Variants in SUFU observed in about 807,000 individuals in gnomAD.
SUFU encodes the protein suppressor of fused homolog.
SUFU carries 7 observed loss-of-function variants against 58.9 expected under a neutral mutation model. That is an observed-to-expected ratio of 0.12 (90% CI 0.07 to 0.22). SUFU has a LOEUF of 0.22. Among genes scored for constraint, SUFU ranks in the 10% least tolerant of loss-of-function variants. The pLI, the probability that SUFU is intolerant of heterozygous loss-of-function variation, is 1.00. For synonymous variants in SUFU, 232 were observed against 254.8 expected (o/e 0.91, Z 0.85); for missense variants, 451 against 641.3 (o/e 0.70, Z 3.20).
chr10:102,589,442 C>CTTTTTT (rs747625757), intron 3 of SUFU, among the ~76,000 whole-genome samples: 6,055 of 65,094 alleles, frequency 0.093, 1,559 homozygotes, highest in East Asian at 0.3. Context: ...TTCTTTCTTT[C>CTTTTTT]TTTTTTTTTT....
intron 1 of SUFU, among the ~76,000 whole-genome samples, chr10:102,504,995 C>T (rs2062307012): frequency 6.6e-6 from 1 of 152,172 alleles, no homozygotes; most frequent in African/African-American, 2.4e-5. Context: ...CTGCACTGTT[C>T]TCTTTCTCCG....
chr10:102,566,114 T>TA (rs1305280294), intron 3 of SUFU, among the ~76,000 whole-genome samples: 3 of 152,162 alleles, frequency 2.0e-5, no homozygotes, highest in Non-Finnish European at 4.4e-5. Flanking sequence ...CTGCTCATGA[T>TA]AGAGTGTTCA....
Position 102,599,124 on chromosome 10 carries a change from G to A in SUFU, c.911-309G>A, listed in dbSNP as rs1016474629. Among the ~76,000 whole-genome samples, 62 of 152,184 alleles carry A rather than the reference G, an allele frequency of 4.1e-4. 1 individual carries two copies. Among genetic ancestry groups the A allele is most frequent in the Admixed American group, 4.1e-3 (62 of 15,286 alleles). ...GTAGTCAGTCACTGTGTGGAGCCAT[G>A]TTAAGGGTAAACCTCGGGCCTGTGA... On this transcript the variant is annotated intron_variant, in intron 7 of 11. Coordinates refer to ENST00000369902, the MANE Select transcript of SUFU (RefSeq NM_016169.4).
At chr10:102,534,757 G>T (rs935731915) in intron 2 of SUFU, among the ~76,000 whole-genome samples, 2 of 152,196 alleles carry the variant, frequency 1.3e-5, no homozygotes, top group African/African-American at 2.4e-5. Flanking sequence ...GACTTGCTTG[G>T]CATTGCCCTG....
chr10:102,559,206 C>T (rs1020166072), intron 3 of SUFU, among the ~76,000 whole-genome samples: 1 of 152,222 alleles, frequency 6.6e-6, no homozygotes, highest in African/African-American at 2.4e-5. Flanking sequence ...CAGAACCGCC[C>T]TCATTGGTGT....
intron 2 of SUFU, among the ~76,000 whole-genome samples, chr10:102,514,718 A>T (rs1454387922): frequency 2.6e-5 from 4 of 152,136 alleles, no homozygotes; most frequent in South Asian, 2.1e-4. Context: ...CTAGCTGTGG[A>T]CTGGAATGTG....
intron 11 of SUFU, 145 bp downstream of exon 11, chr10:102,627,388 G>T: frequency 1.2e-6 from 1 of 826,908 alleles, no homozygotes; most frequent in Non-Finnish European, 2.1e-6. Flanking sequence ...GCATCTGTGG[G>T]CTCCTCCCCA....
chr10:102,512,784 G>C (rs917278644), intron 2 of SUFU, among the ~76,000 whole-genome samples: 1 of 152,156 alleles, frequency 6.6e-6, no homozygotes, highest in African/African-American at 2.4e-5. Context: ...ACTTCTATAG[G>C]CTGCGCATGG....
chr10:102,512,961 G>GT (rs141949226), intron 2 of SUFU, among the ~76,000 whole-genome samples: 1 of 151,994 alleles, frequency 6.6e-6, no homozygotes, highest in African/African-American at 2.4e-5. Flanking sequence ...CTAGCTGCTT[G>GT]GGGGGCTGAG....
chr10:102,601,636 A>G (rs1434466730), intron 8 of SUFU, among the ~76,000 whole-genome samples: 1 of 152,180 alleles, frequency 6.6e-6, no homozygotes, highest in Non-Finnish European at 1.5e-5. Flanking sequence ...TTTGCCAAGA[A>G]CATTCTCCAA....
At chr10:102,538,982 T>C (rs781475799) in intron 2 of SUFU, among the ~76,000 whole-genome samples, 2 of 152,206 alleles carry the variant, frequency 1.3e-5, no homozygotes, top group Non-Finnish European at 2.9e-5. Context: ...TATTCAGTGC[T>C]TTTTAAGTGT....
At chr10:102,539,861 C>G (rs181007780) in intron 2 of SUFU, among the ~76,000 whole-genome samples, 1 of 152,268 alleles carries the variant, frequency 6.6e-6, no homozygotes, top group African/African-American at 2.4e-5. Flanking sequence ...TTAGCTCATG[C>G]GATTACAGAT....
In SUFU at chr10:102,550,114, G is replaced by A. The variant is rs1172897703; in HGVS notation, c.454+8G>A. The A allele has an allele frequency of 6.2e-7, 1 of 1,614,116 alleles. No individual in the cohort carries two copies. Among genetic ancestry groups the A allele is most frequent in the East Asian group, 2.2e-5 (1 of 44,880 alleles). ...GATACGTGTTCCAGTCAGGTAGGAG[G>A]CCAGGGCTGGCTGCTGTGCTGGTCC... On this transcript the variant is annotated splice_region_variant and intron_variant, in intron 3 of 11. Coordinates refer to ENST00000369902, the MANE Select transcript of SUFU (RefSeq NM_016169.4).
intron 3 of SUFU, among the ~76,000 whole-genome samples, chr10:102,590,441 AG>A (rs2135859957): frequency 6.6e-6 from 1 of 152,172 alleles, no homozygotes; most frequent in Admixed American, 6.5e-5. Flanking sequence ...CTGGGATTAC[AG>A]GCATGAGCCA....
At chr10:102,576,105 C>A (rs1228354210) in intron 3 of SUFU, among the ~76,000 whole-genome samples, 3 of 151,908 alleles carry the variant, frequency 2.0e-5, no homozygotes, top group Admixed American at 2.0e-4. Flanking sequence ...CTCAGCCTCC[C>A]AAAGTGCTGG....
chr10:102,542,550 C>G (rs2062814094), intron 2 of SUFU, among the ~76,000 whole-genome samples: 1 of 151,904 alleles, frequency 6.6e-6, no homozygotes, highest in East Asian at 1.9e-4. Flanking sequence ...TCTGGGATTA[C>G]AGATGTCAGC....
chr10:102,568,709 G>T (rs940831969), intron 3 of SUFU, among the ~76,000 whole-genome samples: 1 of 150,680 alleles, frequency 6.6e-6, no homozygotes, highest in Admixed American at 6.6e-5. Flanking sequence ...CCCTGTCTCT[G>T]CTAAAAATAC....
At chr10:102,521,924 T>A (rs1377917836) in intron 2 of SUFU, among the ~76,000 whole-genome samples, 1 of 152,256 alleles carries the variant, frequency 6.6e-6, no homozygotes, top group Non-Finnish European at 1.5e-5. Context: ...CTGATAATCC[T>A]ATCACCTTTT....
At chr10:102,589,442 C>CTTTTTTTTTTTTTTTTTTTTTTTTTTT (rs747625757) in intron 3 of SUFU, among the ~76,000 whole-genome samples, 2 of 65,364 alleles carry the variant, frequency 3.1e-5, no homozygotes, top group African/African-American at 6.2e-5. Context: ...TTCTTTCTTT[C>CTTTTTTTTTTTTTTTTTTTTTTTTTTT]TTTTTTTTTT....
Sources: gnomAD v4.1 joint callset for allele counts (sites outside exome capture counted in the v4.1 genomes callset) on GRCh38, gnomAD v4.1.1 for gene constraint, MANE v1.5 for transcripts, NCBI Gene and HGNC (gene_info 2026-07-23, HGNC 2026-07-21) for gene names.